BACE1-AS: variants seen among roughly 807,000 people sequenced by gnomAD.
The protein encoded by BACE1-AS is BACE1 antisense RNA (non-protein coding).
intron 1 of BACE1-AS, chr11:117,291,585 G>A (rs1287939775): frequency 6.0e-6 from 4 of 668,906 alleles, no homozygotes; most frequent in Non-Finnish European, 1.0e-5. Context: ...TAGGGGAAGA[G>A]TGTTTTAAGA....
chr11:117,291,656 A>G (rs577986178), intron 1 of BACE1-AS: 3 of 1,292,374 alleles, frequency 2.3e-6, no homozygotes, highest in African/African-American at 1.5e-5. Flanking sequence ...TGTGACTCTC[A>G]CCGCCTCCCT....
chr11:117,291,808 G>A (rs1765608573), intron 2 of BACE1-AS: 2 of 1,608,526 alleles, frequency 1.2e-6, no homozygotes, highest in Non-Finnish European at 1.7e-6. Flanking sequence ...TCTTGTCATA[G>A]TTGTACTAAG....
At chr11:117,292,153 C>G (rs1295473404) in intron 2 of BACE1-AS, 3 of 153,996 alleles carry the variant, frequency 1.9e-5, no homozygotes, top group African/African-American at 7.5e-5. Flanking sequence ...ATAAAAATAC[C>G]TTGTTTAGTG....
chr11:117,291,623 A>T, intron 1 of BACE1-AS: 1 of 944,988 alleles, frequency 1.1e-6, no homozygotes, highest in East Asian at 2.5e-5. Flanking sequence ...CTAAGTGCAG[A>T]CATCTTGGCT....
chr11:117,291,767 C>T, exon 2 of BACE1-AS: 2 of 1,613,428 alleles, frequency 1.2e-6, no homozygotes, highest in Non-Finnish European at 1.7e-6. Context: ...CTTGGGCAAA[C>T]GAAGGTTGGT....
At position 117,291,719 on chromosome 11, in the gene BACE1-AS, G is replaced by A. The variant is rs542748548; in HGVS notation, n.73G>A. 2.5e-6 allele frequency: 4 copies of A among 1,611,642 alleles called. No homozygotes were observed. In the Admixed American group the frequency reaches 5.0e-5, roughly 20 times the overall value. ...CATCCTTAGTCCACTCACGGAGGAG[G>A]CTGCCTTGATGGATTTGACTGCAGC... On this transcript the variant is annotated non_coding_transcript_exon_variant, in exon 2 of 4. Transcript: ENST00000614401.
At chr11:117,291,859 G>T in intron 2 of BACE1-AS, 1 of 1,463,080 alleles carries the variant, frequency 6.8e-7, no homozygotes, top group Non-Finnish European at 9.6e-7. Flanking sequence ...GGTTTTTGAT[G>T]CTGGGCTCTG....
intron 1 of BACE1-AS, chr11:117,291,560 G>A (rs1307953196): frequency 3.6e-6 from 2 of 556,190 alleles, no homozygotes; most frequent in Non-Finnish European, 6.4e-6. Context: ...ACAGGCGTGA[G>A]CCACCACGCC....
intron 1 of BACE1-AS, among the ~76,000 whole-genome samples, chr11:117,291,422 C>T (rs151122725): frequency 1.4e-4 from 21 of 152,208 alleles, no homozygotes; most frequent in African/African-American, 4.8e-4. Flanking sequence ...GGATTACAGG[C>T]GTGCGCCACC....
intron 1 of BACE1-AS, among the ~76,000 whole-genome samples, chr11:117,291,418 C>T (rs1327370888): frequency 6.6e-6 from 1 of 152,100 alleles, no homozygotes; most frequent in Non-Finnish European, 1.5e-5. Context: ...GCTAGGATTA[C>T]AGGCGTGCGC....
exon 2 of BACE1-AS, chr11:117,291,720 C>G: frequency 1.9e-6 from 3 of 1,612,352 alleles, no homozygotes; most frequent in Non-Finnish European, 2.5e-6. Context: ...ACGGAGGAGG[C>G]TGCCTTGATG....
intron 2 of BACE1-AS, chr11:117,291,827 G>T (rs780202200): frequency 1.1e-5 from 18 of 1,590,916 alleles, no homozygotes; most frequent in South Asian, 9.9e-5. Context: ...AGAGGGAAAA[G>T]AGAGAGTTAA....
intron 1 of BACE1-AS, chr11:117,291,658 C>T (rs1048617899): frequency 1.3e-5 from 17 of 1,306,052 alleles, no homozygotes; most frequent in South Asian, 2.4e-5. Flanking sequence ...TGACTCTCAC[C>T]GCCTCCCTCT....
At chr11:117,291,727 G>T in exon 2 of BACE1-AS, 1 of 1,612,926 alleles carries the variant, frequency 6.2e-7, no homozygotes, top group Non-Finnish European at 8.5e-7. Context: ...AGGCTGCCTT[G>T]ATGGATTTGA....
chr11:117,291,910 A>G (rs1350868349), intron 2 of BACE1-AS: 6 of 807,942 alleles, frequency 7.4e-6, no homozygotes, highest in Non-Finnish European at 1.3e-5. Context: ...CTGGGTTGGC[A>G]TCTTGGCTTT....
chr11:117,291,564 C>T lies in BACE1-AS; in HGVS notation n.57-139C>T, dbSNP rs373867483. The T allele has an allele frequency of 3.9e-4, 221 of 573,168 alleles. 6 individuals are homozygous for T. In the South Asian group the frequency reaches 4.2e-3, roughly 11 times the overall value. The allele number at this position is 573,168 out of a possible 1,614,324, so 35.5% of individuals were successfully genotyped here. ...GTGCTGGGATTACAGGCGTGAGCCACCACGCCTGGCTAGGGGAAGAGTGTT... is the reference window on the plus strand; with the variant it reads ...GTGCTGGGATTACAGGCGTGAGCCATCACGCCTGGCTAGGGGAAGAGTGTT... On this transcript the variant is annotated intron_variant and non_coding_transcript_variant, in intron 1 of 3. Transcript: ENST00000614401.
intron 2 of BACE1-AS, chr11:117,291,825 AAG>A (rs776542380): frequency 1.6e-5 from 25 of 1,592,276 alleles, no homozygotes; most frequent in Middle Eastern, 3.3e-4. Context: ...TAAGAGGGAA[AAG>A]AGAGAGTTAA....
intron 1 of BACE1-AS, among the ~76,000 whole-genome samples, chr11:117,291,477 C>T (rs962265198): frequency 4.6e-5 from 7 of 151,970 alleles, no homozygotes; most frequent in Non-Finnish European, 1.0e-4. Context: ...GGGATTTCAC[C>T]CTGTTGGTCA....
At chr11:117,291,747 C>G in exon 2 of BACE1-AS, 1 of 1,613,648 alleles carries the variant, frequency 6.2e-7, no homozygotes, top group Non-Finnish European at 8.5e-7. Context: ...ACTGCAGCTT[C>G]AAACACTTTC....
Sources: gnomAD v4.1 joint callset for allele counts (sites outside exome capture counted in the v4.1 genomes callset) on GRCh38, gnomAD v4.1.1 for gene constraint, MANE v1.5 for transcripts, NCBI Gene and HGNC (gene_info 2026-07-23, HGNC 2026-07-21) for gene names.